The following MACF1 variants were observed in gnomAD, a reference collection of about 807,000 sequenced individuals.
The protein encoded by MACF1 is microtubule-actin cross-linking factor 1.
A neutral mutation model predicts 854.8 loss-of-function variants in MACF1; 193 were observed. The observed-to-expected ratio is 0.23, with a 90% CI of 0.20 to 0.25. The LOEUF (loss-of-function observed/expected upper bound fraction) is 0.25, where lower values mean the gene tolerates loss of function less well. Among genes scored for constraint, MACF1 ranks in the 10% least tolerant of loss-of-function variants. The pLI is 1.00. For synonymous variants in MACF1, 3,185 were observed against 3,226.7 expected (o/e 0.99, Z 0.44); for missense variants, 7,722 against 8,929.1 (o/e 0.86, Z 5.45).
At chr1:39,304,198 A>G (rs1264842690) in intron 23 of MACF1, 1 of 100,168 alleles carries the variant, frequency 1.0e-5, no homozygotes, top group Non-Finnish European at 1.9e-5. Flanking sequence ...CCACCCCACA[A>G]CAGGCCCCGG....
intron 1 of MACF1, among the ~76,000 whole-genome samples, chr1:39,210,245 A>G (rs1644499754): frequency 6.6e-6 from 1 of 152,142 alleles, no homozygotes; most frequent in Non-Finnish European, 1.5e-5. Flanking sequence ...TCTACAAACT[A>G]GTTAAGTGCA....
chr1:39,365,176 A>G (rs141949672), intron 49 of MACF1, among the ~76,000 whole-genome samples: 2 of 152,086 alleles, frequency 1.3e-5, no homozygotes, highest in African/African-American at 2.4e-5. Flanking sequence ...TTCTGGGTCC[A>G]TGCCATTCTC....
At chr1:39,285,534 T>C (rs1645626532) in intron 13 of MACF1, 70 bp from the exon 14 acceptor site, 7 of 1,543,046 alleles carry the variant, frequency 4.5e-6, no homozygotes, top group South Asian at 2.4e-5. Context: ...AGTAGACTTC[T>C]TGGCTCCCTC....
intron 1 of MACF1, among the ~76,000 whole-genome samples, chr1:39,221,895 T>C (rs1203928169): frequency 6.6e-6 from 1 of 152,204 alleles, no homozygotes; most frequent in Non-Finnish European, 1.5e-5. Context: ...CAAAACATAC[T>C]GTGGGTCAGA....
intron 58 of MACF1, among the ~76,000 whole-genome samples, chr1:39,393,391 A>G (rs1557628153): frequency 1.3e-5 from 2 of 151,892 alleles, no homozygotes; most frequent in African/African-American, 4.8e-5. Context: ...TGGTTTGGGC[A>G]TCATACTGGT....
Position 39,084,737 on chromosome 1 carries a change from C to G in MACF1, c.220+299C>G, listed in dbSNP as rs1048167582. Among the ~76,000 whole-genome samples the G allele has an allele frequency of 1.3e-5, 2 of 152,132 alleles. No individual in the cohort carries two copies. Among genetic ancestry groups the G allele is most frequent in the Non-Finnish European group, 2.9e-5 (2 of 68,030 alleles). ...TGCAGTTGCCTTCATGGCTTAGGTACCATTCTGCATCTGACTCTTTTCAGT... is the reference window on the plus strand; with the variant it reads ...TGCAGTTGCCTTCATGGCTTAGGTAGCATTCTGCATCTGACTCTTTTCAGT... On this transcript the variant is annotated intron_variant, in intron 2 of 93. Transcript: ENST00000361689. The surrounding 1 kb of genome is among the most constrained non-coding windows in gnomAD (Gnocchi z 5.2).
chr1:39,394,166 C>T (rs906091369), intron 58 of MACF1, among the ~76,000 whole-genome samples: 3 of 152,220 alleles, frequency 2.0e-5, no homozygotes, highest in Non-Finnish European at 4.4e-5. Flanking sequence ...TCTCAGTATA[C>T]TTGAAGTTTC....
rs758672397 is a variant in MACF1 at position 39,331,706 on chromosome 1, G to T, written c.5118G>T (p.Glu1706Asp). ...ATTTGATAGACCCTAACACAGCTGA[G>T]AAAATTGGTTTGCTGGATCTGATGC... is the stretch of plus-strand genomic sequence containing the variant. Reference protein sequence around the residue: ...SKNLIDPNTAEKIGLLDLMQR... With the variant: ...SKNLIDPNTADKIGLLDLMQR... The change falls in exon 37 of 101, where the codon GAG becomes GAT. Residue 1706 changes from glutamate to aspartate, a missense_variant. By Grantham distance (45) the Glu-to-Asp change is conservative (BLOSUM62 2). Around this residue, in one of 15 missense-constraint regions of MACF1, gnomAD observed 1,531 missense variants for 1,601.6 expected, o/e 0.96. Coordinates refer to ENST00000564288, the MANE Select transcript of MACF1 (RefSeq NM_001394062.1). 13 of 1,614,170 alleles carry T rather than the reference G, an allele frequency of 8.1e-6. No individual in the cohort carries two copies. The Admixed American group carries it at 1.8e-4, about 23-fold the overall frequency.
intron 2 of MACF1, among the ~76,000 whole-genome samples, chr1:39,172,278 A>G (rs1365506850): frequency 1.3e-5 from 2 of 152,210 alleles, no homozygotes; most frequent in Non-Finnish European, 2.9e-5. Context: ...TTCTCTGATA[A>G]TCCCTCTATC....
chr1:39,352,990 A>G lies in MACF1; in HGVS notation c.11200-17A>G. ...GTATGTAAAGCCTTCTCACTAGACT[A>G]CCTCGGTGGCTTTCAGAGTAAAGCA... On this transcript the variant is annotated splice_polypyrimidine_tract_variant and intron_variant, in intron 43 of 100. Transcript: ENST00000564288. 6.3e-7 allele frequency: 1 copy of G among 1,596,918 alleles called. No homozygotes were observed. The highest frequency in any genetic ancestry group is 8.6e-7 in the Non-Finnish European group (1 of 1,164,788).
At chr1:39,243,552 C>T (rs546727280) in intron 2 of MACF1, among the ~76,000 whole-genome samples, 31 of 152,270 alleles carry the variant, frequency 2.0e-4, no homozygotes, top group Non-Finnish European at 4.1e-4. Flanking sequence ...TAGGCATGCA[C>T]CACCACACCT....
At chr1:39,469,484 T>C in intron 96 of MACF1, 63 bp from the exon 97 acceptor site, 1 of 1,270,714 alleles carries the variant, frequency 7.9e-7, no homozygotes, top group Non-Finnish European at 1.1e-6. Context: ...TTTGTCTTTC[T>C]TGACTAGTTT....
At chr1:39,147,541 A>G (rs963971070) in intron 2 of MACF1, among the ~76,000 whole-genome samples, 3 of 142,172 alleles carry the variant, frequency 2.1e-5, no homozygotes, top group African/African-American at 5.3e-5. Context: ...TTCTTCTTCA[A>G]CAGGGTCTTG....
rs750262685 is a variant in MACF1 at position 39,190,395 on chromosome 1, G to GTTTTTTTTT, written c.221-40782_221-40781insTTTTTTTTT. Among the ~76,000 whole-genome samples the GTTTTTTTTT allele has an allele frequency of 2.0e-3, 155 of 79,004 alleles. 13 individuals carry two copies. The highest frequency in any genetic ancestry group is 2.5e-3 in the Non-Finnish European group (105 of 42,328). 51.8% of individuals were successfully genotyped at this position (79,004 alleles called of 152,430 possible). ...TGTGTGTGTGTGTGTGTGTGTGTTT[G>GTTTTTTTTT]TTTTTGTTTTTTTTTTTTTTTTTTG... is the stretch of plus-strand genomic sequence containing the variant. On this transcript the variant is annotated intron_variant, in intron 2 of 93. Transcript: ENST00000361689.
chr1:39,286,352 C>T (rs1645641520), intron 14 of MACF1, among the ~76,000 whole-genome samples: 1 of 151,966 alleles, frequency 6.6e-6, no homozygotes, highest in African/African-American at 2.4e-5. Flanking sequence ...AGGGTTGGGA[C>T]ACAACACAAC....
At chr1:39,116,577 C>T (rs1196004966) in intron 2 of MACF1, among the ~76,000 whole-genome samples, 1 of 152,114 alleles carries the variant, frequency 6.6e-6, no homozygotes, top group Non-Finnish European at 1.5e-5. Flanking sequence ...AATGTAGCAT[C>T]AGTTTGATTA....
intron 28 of MACF1, 124 bp from the exon 29 acceptor site, chr1:39,317,090 C>T (rs1008384350): frequency 4.0e-6 from 4 of 998,308 alleles, no homozygotes; most frequent in Admixed American, 2.8e-5. Context: ...CACAAACATT[C>T]CAGGGCACAA....
chr1:39,307,251 A>G (rs1210995652), intron 23 of MACF1, among the ~76,000 whole-genome samples: 5 of 144,692 alleles, frequency 3.5e-5, no homozygotes, highest in African/African-American at 1.3e-4. Flanking sequence ...GTTTAGATGT[A>G]TAGTGCCATT....
At position 39,283,060 on chromosome 1, in the gene MACF1, ACCT is replaced by A. The variant is rs1645582443; in HGVS notation, c.696-125_696-123del. The stretch of plus-strand genomic sequence containing the variant: ...AAAAATGGAATTTGTACTCTTCTAA[ACCT>A]CCTGCTTTTTCTCTAACTCACTTAG... On this transcript the variant is annotated intron_variant, in intron 7 of 100. Coordinates refer to ENST00000564288, the MANE Select transcript of MACF1 (RefSeq NM_001394062.1). This position sits in a 1 kb window ranked among gnomAD's most constrained non-coding sequence, Gnocchi z 4.5. 1.6e-6 allele frequency: 1 copy of A among 638,846 alleles called. No homozygotes were observed. Among genetic ancestry groups the A allele is most frequent in the African/African-American group, 1.8e-5 (1 of 54,552 alleles). 39.6% of individuals were successfully genotyped at this position (638,846 alleles called of 1,614,324 possible). A position where few individuals can be genotyped will look rare whatever the true frequency, so the allele number is the denominator to read the frequency against.
Sources: allele counts gnomAD v4.1 joint callset (sites outside exome capture counted in the v4.1 genomes callset), GRCh38; gene constraint gnomAD v4.1.1; regional missense constraint gnomAD v4.1.1; non-coding constraint Gnocchi (gnomAD v3.1); transcripts MANE v1.5; gene names NCBI Gene and HGNC (gene_info 2026-07-23, HGNC 2026-07-21).